RASSF3: variants seen among roughly 807,000 people sequenced by gnomAD.
RASSF3 encodes Ras association domain family member 3.
In RASSF3, 19 loss-of-function variants were observed where a neutral mutation model predicts 19.9. The observed-to-expected ratio is 0.96, with a 90% CI of 0.67 to 1.40. RASSF3 has a LOEUF of 1.40. RASSF3 is among the 40% of genes most tolerant of loss of function. RASSF3 has a pLI of 0.00. For missense variants in RASSF3, 306 were observed against 289.8 expected, an observed-to-expected ratio of 1.06 and a Z score of -0.41; for synonymous variants, 110 against 104.2, an observed-to-expected ratio of 1.06 and a Z score of -0.34.
intron 2 of RASSF3, among the ~76,000 whole-genome samples, chr12:64,549,094 G>A (rs1230612154): frequency 6.6e-6 from 1 of 152,208 alleles, no homozygotes; most frequent in African/African-American, 2.4e-5. Flanking sequence ...TTGGGGTAAG[G>A]TGGGGACATA....
chr12:64,582,934 C>T (rs1055429499), intron 2 of RASSF3, among the ~76,000 whole-genome samples: 6 of 152,106 alleles, frequency 3.9e-5, no homozygotes, highest in African/African-American at 1.2e-4. Context: ...GAAAGATCTT[C>T]GAGACACTAC....
chr12:64,676,872 G>C (rs1376171842), intron 1 of RASSF3, among the ~76,000 whole-genome samples: 1 of 151,850 alleles, frequency 6.6e-6, no homozygotes, highest in African/African-American at 2.4e-5. Context: ...GGGCTCAAGT[G>C]ATCCTCCTGC....
chr12:64,603,724 T>C (rs1333246925), intron 2 of RASSF3, among the ~76,000 whole-genome samples: 1 of 152,260 alleles, frequency 6.6e-6, no homozygotes, highest in Non-Finnish European at 1.5e-5. Flanking sequence ...AAGAATCCTA[T>C]AAGGTAAGAT....
At chr12:64,681,365 G>C (rs1028789444) in intron 1 of RASSF3, among the ~76,000 whole-genome samples, 1 of 152,218 alleles carries the variant, frequency 6.6e-6, no homozygotes, top group Admixed American at 6.5e-5. Context: ...AAGCACCTTA[G>C]AGGAGGTGAT....
chr12:64,516,282 G>A (rs73315537), intron 1 of RASSF3, among the ~76,000 whole-genome samples: 3,721 of 152,238 alleles, frequency 0.024, 140 homozygotes, highest in African/African-American at 0.084. Flanking sequence ...ACCATAAGAT[G>A]CAAAAACCCA....
chr12:64,680,047 T>G (rs768594787), intron 1 of RASSF3, among the ~76,000 whole-genome samples: 1 of 152,166 alleles, frequency 6.6e-6, no homozygotes, highest in Non-Finnish European at 1.5e-5. Flanking sequence ...TCTCACCCCT[T>G]TACCTGTTGG....
At chr12:64,688,530 G>T in intron 3 of RASSF3, 77 bp downstream of exon 3, 1 of 1,046,306 alleles carries the variant, frequency 9.6e-7, no homozygotes, top group East Asian at 2.4e-5. Context: ...AGGGAAGACT[G>T]GTGGGTCTCA....
chr12:64,605,353 C>T (rs1027063922), intron 2 of RASSF3, among the ~76,000 whole-genome samples: 2 of 142,052 alleles, frequency 1.4e-5, no homozygotes, highest in Non-Finnish European at 3.2e-5. Flanking sequence ...TTAAATACCT[C>T]TGCTATGGGT....
chr12:64,595,438 T>C (rs181936786), intron 2 of RASSF3, among the ~76,000 whole-genome samples: 2 of 152,276 alleles, frequency 1.3e-5, no homozygotes, highest in South Asian at 2.1e-4. Context: ...CCAAACCTAC[T>C]TCCCCCTGCA....
intron 1 of RASSF3, among the ~76,000 whole-genome samples, chr12:64,651,919 C>T (rs1871970169): frequency 6.6e-6 from 1 of 152,176 alleles, no homozygotes; most frequent in Non-Finnish European, 1.5e-5. Flanking sequence ...CCTTGGCCTC[C>T]CAAAGTGCTG....
intron 2 of RASSF3, among the ~76,000 whole-genome samples, chr12:64,571,877 ACAGTGGGGACAAG>A (rs1275533110): frequency 6.6e-6 from 1 of 152,184 alleles, no homozygotes; most frequent in Non-Finnish European, 1.5e-5. Context: ...GCTGGTATAG[ACAGTGGGGACAAG>A]CAGTGATTTT....
At chr12:64,648,608 A>G (rs1488410672) in intron 1 of RASSF3, among the ~76,000 whole-genome samples, 1 of 150,406 alleles carries the variant, frequency 6.6e-6, no homozygotes, top group African/African-American at 2.5e-5. Flanking sequence ...TCAGCCTCCC[A>G]AGTAGCTGGG....
At chr12:64,514,122 C>CAG (rs1868345703) in intron 1 of RASSF3, among the ~76,000 whole-genome samples, 1 of 148,490 alleles carries the variant, frequency 6.7e-6, no homozygotes, top group Non-Finnish European at 1.5e-5. Context: ...CTCCTGACCT[C>CAG]GTGATCCACC....
downstream of RASSF3, among the ~76,000 whole-genome samples, chr12:64,542,748 G>A (rs1565835888): frequency 6.6e-6 from 1 of 152,132 alleles, no homozygotes; most frequent in Non-Finnish European, 1.5e-5. Flanking sequence ...AAATTAATAG[G>A]GCATGGTGGT....
intron 1 of RASSF3, among the ~76,000 whole-genome samples, chr12:64,643,717 C>T (rs1202878048): frequency 6.6e-6 from 1 of 152,084 alleles, no homozygotes; most frequent in Non-Finnish European, 1.5e-5. Context: ...TACAACTCTT[C>T]TGTTTTATAA....
chr12:64,687,248 C>T (rs188160373), intron 2 of RASSF3, among the ~76,000 whole-genome samples: 7 of 152,112 alleles, frequency 4.6e-5, no homozygotes, highest in Admixed American at 2.6e-4. Flanking sequence ...GTGGTCTGCT[C>T]GCCTCGGCCT....
At chr12:64,659,962 G>T (rs1221600178) in intron 1 of RASSF3, among the ~76,000 whole-genome samples, 1 of 127,916 alleles carries the variant, frequency 7.8e-6, no homozygotes, top group Non-Finnish European at 1.8e-5. Flanking sequence ...GTGTGTGTGT[G>T]TGTGTGTGTG....
chr12:64,635,794 G>T (rs1871310378), intron 1 of RASSF3, among the ~76,000 whole-genome samples: 1 of 152,134 alleles, frequency 6.6e-6, no homozygotes, highest in African/African-American at 2.4e-5. Context: ...TGGAGCCTGG[G>T]CTGTGAGGGT....
At chr12:64,555,916 T>C (rs1471896058) in intron 2 of RASSF3, among the ~76,000 whole-genome samples, 1 of 151,872 alleles carries the variant, frequency 6.6e-6, no homozygotes, top group African/African-American at 2.4e-5. Flanking sequence ...GTCTCCCCCT[T>C]AAAATAGATT....
Sources: gnomAD v4.1 joint callset for allele counts (sites outside exome capture counted in the v4.1 genomes callset) on GRCh38, gnomAD v4.1.1 for gene constraint, MANE v1.5 for transcripts, NCBI Gene and HGNC (gene_info 2026-07-23, HGNC 2026-07-21) for gene names.